PARVA: variants seen among roughly 807,000 people sequenced by gnomAD.
PARVA encodes the protein parvin alpha, also known as alpha-parvin.
A neutral mutation model predicts 52.6 loss-of-function variants in PARVA; 25 were observed. The ratio of observed to expected loss-of-function variants is 0.48; its 90% CI spans 0.35 to 0.66. The LOEUF (loss-of-function observed/expected upper bound fraction) is 0.66, where lower values mean the gene tolerates loss of function less well. Among genes scored for constraint, PARVA ranks in the 30% least tolerant of loss-of-function variants. The pLI, the probability that PARVA is intolerant of heterozygous loss-of-function variation, is 0.01. For missense variants in PARVA, 373 were observed against 450.9 expected (o/e 0.83, Z 1.56); for synonymous variants, 185 against 179.1 (o/e 1.03, Z -0.26).
intron 5 of PARVA, among the ~76,000 whole-genome samples, chr11:12,503,929 C>G (rs1318919380): frequency 6.6e-6 from 1 of 152,122 alleles, no homozygotes; most frequent in Non-Finnish European, 1.5e-5. Context: ...GCCTGGCTTC[C>G]AGGGAGGCCT....
chr11:12,376,751 G>A (rs536306654), upstream of PARVA: 9 of 983,130 alleles, frequency 9.2e-6, no homozygotes, highest in East Asian at 2.3e-4. Flanking sequence ...TCAATAACAC[G>A]TGCCTTTTAA....
intron 12 of PARVA, among the ~76,000 whole-genome samples, chr11:12,527,292 C>T (rs1035631843): frequency 1.1e-5 from 1 of 91,932 alleles, no homozygotes; most frequent in Non-Finnish European, 2.6e-5. Flanking sequence ...ATGGGAGGAT[C>T]AGAGGAAAGG....
At chr11:12,478,361 C>T in intron 4 of PARVA, 1 of 328,614 alleles carries the variant, frequency 3.0e-6, no homozygotes. Flanking sequence ...GTGTGTTCCT[C>T]TGTCATCTGT....
chr11:12,441,530 T>A (rs1940466642), intron 1 of PARVA, among the ~76,000 whole-genome samples: 1 of 152,096 alleles, frequency 6.6e-6, no homozygotes, highest in Admixed American at 6.5e-5. Context: ...TTTTGGTTAA[T>A]CCACACCATA....
intron 5 of PARVA, among the ~76,000 whole-genome samples, chr11:12,498,396 G>C (rs1201584338): frequency 2.0e-5 from 3 of 152,106 alleles, no homozygotes; most frequent in Non-Finnish European, 4.4e-5. Flanking sequence ...TGAATGATTT[G>C]TTTGGTTTAT....
At chr11:12,401,443 A>C (rs12275332) in intron 1 of PARVA, among the ~76,000 whole-genome samples, 82 of 152,180 alleles carry the variant, frequency 5.4e-4, no homozygotes, top group African/African-American at 1.9e-3. Flanking sequence ...TTTTTTTGCC[A>C]ATGGGATCCT....
At chr11:12,426,295 G>T (rs1940234243) in intron 1 of PARVA, among the ~76,000 whole-genome samples, 1 of 152,186 alleles carries the variant, frequency 6.6e-6, no homozygotes, top group Non-Finnish European at 1.5e-5. Context: ...GAAGAAGCCT[G>T]TCTGAGGGAA....
intron 12 of PARVA, among the ~76,000 whole-genome samples, chr11:12,527,310 G>GGGAGGATTAGAGGGAGGA (rs1564871958): frequency 4.2e-4 from 36 of 85,830 alleles, no homozygotes; most frequent in Middle Eastern, 5.3e-3. Flanking sequence ...AGGAGGGAGG[G>GGGAGGATTAGAGGGAGGA]AGGGAGGAAG....
intron 1 of PARVA, among the ~76,000 whole-genome samples, chr11:12,459,971 T>C (rs573139564): frequency 1.5e-3 from 225 of 152,342 alleles, no homozygotes; most frequent in Non-Finnish European, 2.3e-3. Context: ...TGAGCCTCCA[T>C]AGAATGACCA....
At chr11:12,458,584 A>G (rs2403630) in intron 1 of PARVA, among the ~76,000 whole-genome samples, 8,603 of 148,078 alleles carry the variant, frequency 0.058, 830 homozygotes, top group African/African-American at 0.2. Flanking sequence ...CTAACTCCCC[A>G]CCAGTTTCCT....
At chr11:12,431,904 T>C (rs1425476371) in intron 1 of PARVA, among the ~76,000 whole-genome samples, 1 of 152,234 alleles carries the variant, frequency 6.6e-6, no homozygotes, top group Non-Finnish European at 1.5e-5. Flanking sequence ...TTGTTGGAAA[T>C]TCCCAACTTT....
At chr11:12,476,578 C>T (rs1941017335) in intron 3 of PARVA, among the ~76,000 whole-genome samples, 1 of 152,058 alleles carries the variant, frequency 6.6e-6, no homozygotes, top group South Asian at 2.1e-4. Flanking sequence ...CACTCCCAGC[C>T]TGTTGGGGCC....
intron 1 of PARVA, among the ~76,000 whole-genome samples, chr11:12,407,652 C>T (rs894339646): frequency 6.6e-6 from 1 of 152,164 alleles, no homozygotes. Context: ...TAAATGTCCC[C>T]AGCTGCTCAA....
intron 1 of PARVA, among the ~76,000 whole-genome samples, chr11:12,414,163 T>C (rs571298122): frequency 5.3e-4 from 81 of 152,312 alleles, no homozygotes; most frequent in African/African-American, 1.9e-3. Flanking sequence ...AGCAACTTCA[T>C]CCCAAAAGAG....
At chr11:12,479,853 G>A (rs145811246) in intron 4 of PARVA, 5 of 152,318 alleles carry the variant, frequency 3.3e-5, no homozygotes, top group Non-Finnish European at 5.9e-5. Context: ...CCAAGGGCAC[G>A]AGCCATGTCC....
intron 5 of PARVA, among the ~76,000 whole-genome samples, chr11:12,498,051 G>A (rs1400540521): frequency 1.3e-5 from 2 of 151,976 alleles, no homozygotes; most frequent in Non-Finnish European, 2.9e-5. Flanking sequence ...TTATTTTTTT[G>A]TAGAGACAGA....
At chr11:12,445,601 C>T (rs1940533894) in intron 1 of PARVA, among the ~76,000 whole-genome samples, 2 of 152,218 alleles carry the variant, frequency 1.3e-5, no homozygotes, top group South Asian at 2.1e-4. Flanking sequence ...TGGATCCTTC[C>T]TTCTGGTAGG....
At chr11:12,442,631 G>C (rs1219942054) in intron 1 of PARVA, among the ~76,000 whole-genome samples, 1 of 151,998 alleles carries the variant, frequency 6.6e-6, no homozygotes, top group South Asian at 2.1e-4. Context: ...CATTGACTAA[G>C]CTCTTAGGGG....
chr11:12,452,379 A>T (rs1391775489), intron 1 of PARVA, among the ~76,000 whole-genome samples: 1 of 152,082 alleles, frequency 6.6e-6, no homozygotes, highest in East Asian at 1.9e-4. Context: ...ATAAGAGACA[A>T]CCTAAACTAG....
Sources: allele counts gnomAD v4.1 joint callset (sites outside exome capture counted in the v4.1 genomes callset), GRCh38; gene constraint gnomAD v4.1.1; transcripts MANE v1.5; gene names NCBI Gene and HGNC (gene_info 2026-07-23, HGNC 2026-07-21).